The following DAB1 variants were observed in gnomAD, a reference collection of about 807,000 sequenced individuals.
The protein encoded by DAB1 is DAB adaptor protein 1, also known as disabled homolog 1.
A neutral mutation model predicts 64.6 loss-of-function variants in DAB1; 15 were observed. That is an observed-to-expected ratio of 0.23 (90% CI 0.16 to 0.36). The LOEUF (loss-of-function observed/expected upper bound fraction) is 0.36. Among genes scored for constraint, DAB1 ranks in the 10% least tolerant of loss-of-function variants. DAB1 has a pLI of 1.00. For missense variants in DAB1, 596 were observed against 706.7 expected (o/e 0.84, Z 1.78); for synonymous variants, 235 against 251.9 (o/e 0.93, Z 0.64).
intron 1 of DAB1, among the ~76,000 whole-genome samples, chr1:57,391,777 ACACACAC>A (rs1558296748): frequency 0.086 from 12,438 of 144,766 alleles, 662 homozygotes; most frequent in African/African-American, 0.14. Context: ...ACACACACAC[ACACACAC>A]ACACACACAC....
At chr1:58,439,269 C>A (rs1644981360) in intron 3 of DAB1, among the ~76,000 whole-genome samples, 1 of 148,228 alleles carries the variant, frequency 6.7e-6, no homozygotes, top group Non-Finnish European at 1.5e-5. Flanking sequence ...TCACCTCCTC[C>A]AGGAAGCCTT....
intron 2 of DAB1, among the ~76,000 whole-genome samples, chr1:57,254,315 C>T (rs1293902799): frequency 6.6e-6 from 1 of 152,198 alleles, no homozygotes; most frequent in Non-Finnish European, 1.5e-5. Context: ...CCAGTGTCAC[C>T]AGGGTTACTG....
At chr1:57,550,060 G>A (rs1408570291) in intron 7 of DAB1, among the ~76,000 whole-genome samples, 1 of 152,170 alleles carries the variant, frequency 6.6e-6, no homozygotes, top group Non-Finnish European at 1.5e-5. Context: ...TGTATAGCTT[G>A]ACAGGCTTTG....
chr1:57,597,698 T>A (rs1645527091), intron 7 of DAB1, among the ~76,000 whole-genome samples: 1 of 152,264 alleles, frequency 6.6e-6, no homozygotes, highest in Non-Finnish European at 1.5e-5. Flanking sequence ...ATGATCTCAT[T>A]GGGTCCTCAC....
chr1:57,288,428 C>T (rs1672505201), intron 2 of DAB1, among the ~76,000 whole-genome samples: 2 of 151,898 alleles, frequency 1.3e-5, no homozygotes, highest in African/African-American at 4.8e-5. Flanking sequence ...GGAAATGGGG[C>T]CTTTGGAAGG....
chr1:57,514,672 G>A (rs964154073), intron 7 of DAB1, among the ~76,000 whole-genome samples: 1 of 152,166 alleles, frequency 6.6e-6, no homozygotes, highest in Non-Finnish European at 1.5e-5. Flanking sequence ...GTGCCTCTGG[G>A]GGGATGTTTT....
At chr1:58,531,949 C>T (rs1646440936) in intron 1 of DAB1, among the ~76,000 whole-genome samples, 1 of 152,022 alleles carries the variant, frequency 6.6e-6, no homozygotes, top group African/African-American at 2.4e-5. Flanking sequence ...CCTCATGATC[C>T]ACCCACCTCA....
At chr1:57,918,508 C>A (rs1203701309) in intron 5 of DAB1, among the ~76,000 whole-genome samples, 4 of 152,078 alleles carry the variant, frequency 2.6e-5, no homozygotes, top group Non-Finnish European at 4.4e-5. Flanking sequence ...ATAGTGAGAT[C>A]TCACTCACTA....
chr1:58,439,622 C>G (rs1205535738), intron 3 of DAB1, among the ~76,000 whole-genome samples: 1 of 152,182 alleles, frequency 6.6e-6, no homozygotes, highest in Non-Finnish European at 1.5e-5. Context: ...TTTATGCAAT[C>G]CTGTGAGGAA....
intron 5 of DAB1, among the ~76,000 whole-genome samples, chr1:57,905,700 G>C (rs1477202477): frequency 1.3e-5 from 2 of 152,064 alleles, no homozygotes; most frequent in Non-Finnish European, 2.9e-5. Context: ...AGTGTAGGTG[G>C]AGAAAAGTGG....
At chr1:57,869,392 G>A (rs1171142542) in intron 1 of DAB1, among the ~76,000 whole-genome samples, 3 of 151,774 alleles carry the variant, frequency 2.0e-5, no homozygotes, top group African/African-American at 7.3e-5. Flanking sequence ...GTCAATGCCT[G>A]ATAAATAGTA....
chr1:58,041,293 C>T (rs1035507494), intron 5 of DAB1, among the ~76,000 whole-genome samples: 3 of 152,198 alleles, frequency 2.0e-5, no homozygotes, highest in African/African-American at 7.2e-5. Context: ...TCTCTCATCT[C>T]TCCTAGGCTG....
chr1:57,122,767 G>T (rs1219674007), intron 4 of DAB1, among the ~76,000 whole-genome samples: 1 of 152,144 alleles, frequency 6.6e-6, no homozygotes, highest in African/African-American at 2.4e-5. Context: ...TTACTAGAAT[G>T]AAGAACAAGG....
At chr1:57,259,431 T>C (rs1439767025) in intron 2 of DAB1, among the ~76,000 whole-genome samples, 2 of 152,180 alleles carry the variant, frequency 1.3e-5, no homozygotes, top group African/African-American at 2.4e-5. Context: ...GATTCTAGTA[T>C]GAAAAGTAGC....
At chr1:57,160,293 C>T (rs1047541618) in intron 2 of DAB1, among the ~76,000 whole-genome samples, 2 of 152,320 alleles carry the variant, frequency 1.3e-5, no homozygotes, top group East Asian at 1.9e-4. Flanking sequence ...TTGTTCCTCA[C>T]AGCCACCTAG....
chr1:57,429,167 A>T (rs116279630), intron 7 of DAB1, among the ~76,000 whole-genome samples: 3,414 of 152,134 alleles, frequency 0.022, 140 homozygotes, highest in African/African-American at 0.077. Context: ...CTCCTGCCTC[A>T]CCTTCCAAAG....
At chr1:57,977,896 T>C (rs1023759073) in intron 5 of DAB1, among the ~76,000 whole-genome samples, 4 of 152,146 alleles carry the variant, frequency 2.6e-5, no homozygotes, top group African/African-American at 9.7e-5. Context: ...TACAAACCAC[T>C]GCTCAACGAA....
At chr1:57,910,633 A>T (rs1202803) in intron 5 of DAB1, among the ~76,000 whole-genome samples, 9 of 152,056 alleles carry the variant, frequency 5.9e-5, no homozygotes. Flanking sequence ...GCCTGGAATC[A>T]CAAGGCTGTC....
chr1:57,992,463 T>C (rs968580552), intron 5 of DAB1, among the ~76,000 whole-genome samples: 12 of 151,790 alleles, frequency 7.9e-5, no homozygotes, highest in African/African-American at 2.7e-4. Context: ...AGGTAGAAAA[T>C]ATAATTCCAC....
Sources: allele counts gnomAD v4.1 joint callset (sites outside exome capture counted in the v4.1 genomes callset), GRCh38; gene constraint gnomAD v4.1.1; transcripts MANE v1.5; gene names NCBI Gene and HGNC (gene_info 2026-07-23, HGNC 2026-07-21).